Variants in NTN1 observed in about 807,000 individuals in gnomAD.
NTN1 encodes the protein netrin 1.
A neutral mutation model predicts 54.2 loss-of-function variants in NTN1; 11 were observed. The ratio of observed to expected loss-of-function variants is 0.20; its 90% confidence interval spans 0.13 to 0.34. The LOEUF is 0.34. Among genes scored for constraint, NTN1 ranks in the 10% least tolerant of loss-of-function variants. NTN1 has a pLI of 1.00. For synonymous variants in NTN1, 371 were observed against 382.0 expected, an observed-to-expected ratio of 0.97 and a Z score of 0.33; for missense variants, 740 against 893.1, an observed-to-expected ratio of 0.83 and a Z score of 2.18.
At chr17:9,152,751 A>G (rs7212143) in intron 2 of NTN1, among the ~76,000 whole-genome samples, 53,680 of 152,036 alleles carry the variant, frequency 0.35, 9,716 homozygotes, top group East Asian at 0.46. Flanking sequence ...TTAGACTTTT[A>G]GGGCCAGAAA....
intron 2 of NTN1, among the ~76,000 whole-genome samples, chr17:9,074,658 C>G (rs895503138): frequency 1.3e-5 from 2 of 152,204 alleles, no homozygotes; most frequent in Non-Finnish European, 2.9e-5. Flanking sequence ...CTTTTACCAG[C>G]CCCGTGGGGA....
chr17:9,053,031 A>G (rs1008071991), intron 2 of NTN1, among the ~76,000 whole-genome samples: 1 of 152,208 alleles, frequency 6.6e-6, no homozygotes, highest in African/African-American at 2.4e-5. Context: ...ATTCTTTCCC[A>G]TTGTTGAACT....
Position 9,233,726 on chromosome 17 carries a change from T to C in NTN1, c.1487-5914T>C, listed in dbSNP as rs537821929. On this transcript the variant is annotated intron_variant, in intron 6 of 6. Transcript: ENST00000173229. ...TTGACGGCCTGGTAATGGGTCAACA[T>C]TGGGACTCTGGGGAAGTTGAGGTAC... 1.9e-3 allele frequency among the ~76,000 whole-genome samples: 283 copies of C among 152,048 alleles called. 2 individuals carry two copies. Among genetic ancestry groups the C allele is most frequent in the Non-Finnish European group, 3.5e-3 (235 of 68,012 alleles).
chr17:9,130,586 A>G (rs2092261543), intron 2 of NTN1, among the ~76,000 whole-genome samples: 1 of 152,108 alleles, frequency 6.6e-6, no homozygotes, highest in Admixed American at 6.5e-5. Flanking sequence ...AGAGCCAGAT[A>G]TGTCTGTTCT....
In NTN1 at chr17:9,035,972, A is replaced by C. The variant is rs1262147537; in HGVS notation, c.1018+12581A>C. Among the ~76,000 whole-genome samples the C allele has an allele frequency of 3.9e-5, 6 of 152,202 alleles. No homozygotes were observed. In the East Asian group the frequency reaches 1.2e-3, roughly 29 times the overall value. On this transcript the variant is annotated intron_variant, in intron 2 of 6. Transcript: ENST00000173229. ...GGGAGGCGGAGGTTGCAGTGAGCCA[A>C]GATGGTGCCACTGCACTCCAGCCTG...
At chr17:9,152,534 A>C (rs922506602) in intron 2 of NTN1, among the ~76,000 whole-genome samples, 6 of 152,132 alleles carry the variant, frequency 3.9e-5, no homozygotes, top group Non-Finnish European at 7.4e-5. Context: ...GGCAATTCCC[A>C]GCTGTGATCC....
At chr17:9,033,166 C>T (rs1233207894) in intron 2 of NTN1, among the ~76,000 whole-genome samples, 1 of 152,028 alleles carries the variant, frequency 6.6e-6, no homozygotes, top group Admixed American at 6.6e-5. Context: ...GTTGGCCAGG[C>T]TCGTCTCGAA....
At chr17:9,188,739 G>A (rs1904361267) in intron 5 of NTN1, among the ~76,000 whole-genome samples, 1 of 152,128 alleles carries the variant, frequency 6.6e-6, no homozygotes, top group Non-Finnish European at 1.5e-5. Flanking sequence ...CTCCCCTTTT[G>A]GAGTCATCTT....
At chr17:9,047,992 G>A (rs888257134) in intron 2 of NTN1, among the ~76,000 whole-genome samples, 23 of 152,096 alleles carry the variant, frequency 1.5e-4, no homozygotes, top group Admixed American at 9.2e-4. Context: ...CACTGTGCTC[G>A]GCTGAATCAC....
chr17:9,140,897 G>A (rs1449050702), intron 2 of NTN1, among the ~76,000 whole-genome samples: 1 of 152,134 alleles, frequency 6.6e-6, no homozygotes, highest in Non-Finnish European at 1.5e-5. Flanking sequence ...AGCAAGATTT[G>A]GGAGAGAATT....
intron 2 of NTN1, among the ~76,000 whole-genome samples, chr17:9,078,322 G>A (rs561274479): frequency 3.0e-4 from 45 of 152,292 alleles, no homozygotes; most frequent in African/African-American, 9.6e-4. Context: ...CAGTGGGATC[G>A]TTAGGAACAA....
chr17:9,157,335 T>C (rs1481652552), intron 2 of NTN1, among the ~76,000 whole-genome samples: 1 of 152,162 alleles, frequency 6.6e-6, no homozygotes, highest in African/African-American at 2.4e-5. Flanking sequence ...GCTGGGAACA[T>C]AGCTAGAACA....
chr17:9,110,931 CTTT>C (rs34319949), intron 2 of NTN1, among the ~76,000 whole-genome samples: 4 of 104,340 alleles, frequency 3.8e-5, no homozygotes, highest in African/African-American at 4.0e-5. Context: ...AATTCAGGAT[CTTT>C]TTTTTTTTTT....
rs181695164 is a variant in NTN1, at chr17:9,142,157, C to T, written c.1019-20656C>T. 6.2e-4 allele frequency among the ~76,000 whole-genome samples: 94 copies of T among 151,770 alleles called. 1 individual carries two copies. In the East Asian group the frequency reaches 0.013, roughly 22 times the overall value. ...AAGTAAAATTAGCTGGGCATGGTGG[C>T]GGGCCCCTGTAATCCCAGCTACTCG... On this transcript the variant is annotated intron_variant, in intron 2 of 6. Coordinates refer to ENST00000173229, the MANE Select transcript of NTN1 (RefSeq NM_004822.3).
intron 2 of NTN1, among the ~76,000 whole-genome samples, chr17:9,065,290 G>A (rs1236002067): frequency 3.3e-5 from 5 of 152,104 alleles, no homozygotes; most frequent in South Asian, 2.1e-4. Context: ...GAGTGGCTCC[G>A]TCGGACGGTG....
intron 2 of NTN1, among the ~76,000 whole-genome samples, chr17:9,095,412 A>G (rs2092127997): frequency 6.6e-6 from 1 of 152,226 alleles, no homozygotes; most frequent in African/African-American, 2.4e-5. Flanking sequence ...TTTTATACTT[A>G]AATCTTGAAT....
rs150834997 is a variant in NTN1, at chr17:9,157,606, G to A, written c.1019-5207G>A. 4.2e-3 allele frequency among the ~76,000 whole-genome samples: 636 copies of A among 152,322 alleles called. 3 individuals carry two copies. Among genetic ancestry groups the A allele is most frequent in the African/African-American group, 0.013 (545 of 41,574 alleles). Reference sequence around the variant, plus strand: ...CTCCTATCTTCCTTACCCTCGTTATGCCCTGGGTCTGAAATGCAGCCACAT... The same window carrying A: ...CTCCTATCTTCCTTACCCTCGTTATACCCTGGGTCTGAAATGCAGCCACAT... On this transcript the variant is annotated intron_variant, in intron 2 of 6. Coordinates refer to ENST00000173229, the MANE Select transcript of NTN1 (RefSeq NM_004822.3).
intron 2 of NTN1, among the ~76,000 whole-genome samples, chr17:9,043,728 GTGT>G (rs2091930944): frequency 6.6e-6 from 1 of 151,956 alleles, no homozygotes; most frequent in Admixed American, 6.6e-5. Context: ...TTACAGGCAT[GTGT>G]CACCACGCCT....
At chr17:9,019,098 C>T (rs1029069926), upstream of NTN1, among the ~76,000 whole-genome samples, 2 of 152,214 alleles carry the variant, frequency 1.3e-5, no homozygotes, top group Non-Finnish European at 2.9e-5. Flanking sequence ...GTGGCCCACT[C>T]AGAAGAGGTG....
Sources: gnomAD v4.1 joint callset for allele counts (sites outside exome capture counted in the v4.1 genomes callset) on GRCh38, gnomAD v4.1.1 for gene constraint, MANE v1.5 for transcripts, NCBI Gene and HGNC (gene_info 2026-07-23, HGNC 2026-07-21) for gene names.